DNAH1: variants seen among roughly 807,000 people sequenced by gnomAD.
DNAH1 encodes axonemal beta dynein heavy chain 1.
DNAH1 carries 327 observed loss-of-function variants against 484.3 expected under a neutral mutation model. The observed-to-expected ratio is 0.68, with a 90% CI of 0.62 to 0.74. The LOEUF is 0.74. Ranked by LOEUF, DNAH1 falls within the 30% of genes least tolerant of loss-of-function variation. The pLI, the probability that DNAH1 is intolerant of heterozygous loss-of-function variation, is 0.00. For missense variants in DNAH1, 5,052 were observed against 5,546.8 expected, an observed-to-expected ratio of 0.91 and a Z score of 2.83; for synonymous variants, 2,192 against 2,191.9, an observed-to-expected ratio of 1.00 and a Z score of 0.00.
chr3:52,332,280 A>G lies in DNAH1; in HGVS notation c.1172A>G (p.Tyr391Cys), dbSNP rs181418923. 3.0e-3 allele frequency: 4,877 copies of G among 1,614,064 alleles called. 18 individuals are homozygous for G. The highest frequency in any genetic ancestry group is 3.3e-3 in the Non-Finnish European group (3,880 of 1,179,896). ...AAGAACACGGAAGCACTGCTGCTCT[A>G]CAACTTGTATGTGGACTGCATGCCC... ...LRKNTEALLL[Y>C]NLYVDCMPSD... Residue 391 changes from tyrosine (Y) to cysteine (C), a missense_variant, in exon 8 of 78, where the codon TAC becomes TGC. By Grantham distance (194) the Tyr-to-Cys change is radical. This residue lies in a region of DNAH1 where 1,263 missense variants were observed against 1,218.8 expected (regional missense o/e 1.04). Coordinates refer to ENST00000420323, the MANE Select transcript of DNAH1 (RefSeq NM_015512.5).
At position 52,383,973 on chromosome 3, in the gene DNAH1, C is replaced by T. The variant is rs1402387797; in HGVS notation, c.8264C>T (p.Thr2755Ile). ...GCAGAAGCCCTGAAGTCTGTGGCCA[C>T]CGTGTTCCTCAATGAGATCCCAGAA... ...WPAEALKSVA[T>I]VFLNEIPELE... The change falls in exon 52 of 78, where the codon ACC becomes ATC. Residue 2755 changes from threonine to isoleucine, a missense_variant. By Grantham distance (89) the Thr-to-Ile change is moderately conservative (BLOSUM62 -1). Around this residue, in one of 4 missense-constraint regions of DNAH1, gnomAD observed 2,929 missense variants for 3,409.4 expected, o/e 0.86. Transcript: ENST00000420323. 1 of 1,611,588 alleles carries T rather than the reference C, an allele frequency of 6.2e-7. No individual in the cohort carries two copies. Among genetic ancestry groups the T allele is most frequent in the African/African-American group, 1.3e-5 (1 of 75,002 alleles).
Position 52,359,978 on chromosome 3 carries a change from A to C in DNAH1, c.4470A>C (p.Ser1490=). 6 of 1,613,918 alleles carry C rather than the reference A, an allele frequency of 3.7e-6. No homozygotes were observed. Among genetic ancestry groups the C allele is most frequent in the Non-Finnish European group, 4.2e-6 (5 of 1,179,886 alleles). The part of the protein sequence containing the change: ...KLSRMQRAVL[S]ALIVIEVHAK... ...CCCGCATGCAGCGGGCAGTGCTGTC[A>C]GCGCTAATCGTCATTGAGGTCCATG... Residue 1490 remains serine, a synonymous_variant, in exon 27 of 78, where the codon TCA becomes TCC. Transcript: ENST00000420323.
At chr3:52,367,100 G>A (rs1393381292) in intron 36 of DNAH1, among the ~76,000 whole-genome samples, 3 of 152,180 alleles carry the variant, frequency 2.0e-5, no homozygotes, top group Admixed American at 6.5e-5. Flanking sequence ...GACAATAATG[G>A]CACCATGCTT....
In DNAH1 at chr3:52,375,101, C is replaced by T. The variant is rs138604824; in HGVS notation, c.6986-139C>T. The T allele has an allele frequency of 4.6e-4, 473 of 1,023,408 alleles. No homozygotes were observed. The African/African-American group carries it at 7.2e-3, about 16-fold the overall frequency. 63.4% of individuals were successfully genotyped at this position (1,023,408 alleles called of 1,614,324 possible). A position where few individuals can be genotyped will look rare whatever the true frequency, so the allele number is the denominator to read the frequency against. ...ATTTTTAGGGCAAAGAAAAATTTTC[C>T]TGTGTAATATTGATGTATTTGTCTT... On this transcript the variant is annotated intron_variant, in intron 44 of 77. Coordinates refer to ENST00000420323, the MANE Select transcript of DNAH1 (RefSeq NM_015512.5).
chr3:52,332,021 A>G, intron 7 of DNAH1, 121 bp from the exon 8 acceptor site: 1 of 1,286,114 alleles, frequency 7.8e-7, no homozygotes, highest in Non-Finnish European at 1.1e-6. Flanking sequence ...ACAGGGGGTC[A>G]GAAGAGGGAA....
chr3:52,365,116 G>A (rs1703019985), intron 34 of DNAH1, 97 bp downstream of exon 34: 5 of 1,465,180 alleles, frequency 3.4e-6, no homozygotes, highest in African/African-American at 1.4e-5. Flanking sequence ...AACCCCAGGG[G>A]CCCTCACACC....
intron 1 of DNAH1, among the ~76,000 whole-genome samples, chr3:52,319,734 G>A (rs1382264415): frequency 6.6e-6 from 1 of 152,226 alleles, no homozygotes. Flanking sequence ...CTGTCTGTCT[G>A]TCTAGCTCCT....
At chr3:52,386,017 C>G in intron 54 of DNAH1, 143 bp from the exon 55 acceptor site, 3 of 935,130 alleles carry the variant, frequency 3.2e-6, no homozygotes, top group Non-Finnish European at 4.7e-6. Context: ...GGAAGGGGCT[C>G]CTGGTATTCC....
At chr3:52,356,531 G>A (rs1702616404) in intron 21 of DNAH1, 83 bp from the exon 22 acceptor site, 1 of 1,436,968 alleles carries the variant, frequency 7.0e-7, no homozygotes, top group Non-Finnish European at 9.6e-7. Flanking sequence ...CTGGTGGGGT[G>A]AAATGTCCCA....
intron 37 of DNAH1, among the ~76,000 whole-genome samples, chr3:52,369,513 G>A (rs182698095): frequency 7.0e-4 from 106 of 152,290 alleles, no homozygotes; most frequent in African/African-American, 2.5e-3. Flanking sequence ...GGGGTGGAGG[G>A]CTCTGGAGCA....
At chr3:52,372,642 T>C (rs938580339) in intron 43 of DNAH1, among the ~76,000 whole-genome samples, 1 of 152,208 alleles carries the variant, frequency 6.6e-6, no homozygotes, top group Non-Finnish European at 1.5e-5. Flanking sequence ...CCTGGGTCTG[T>C]CTGTGAGAAG....
At position 52,350,014 on chromosome 3, in the gene DNAH1, G is replaced by T. The variant is rs1303308896; in HGVS notation, c.2552G>T (p.Ser851Ile). Residue 851 changes from serine to isoleucine, a missense_variant, in exon 15 of 78, where the codon AGC becomes ATC. This residue lies in a region of DNAH1 where 1,263 missense variants were observed against 1,218.8 expected (regional missense o/e 1.04). Transcript: ENST00000420323. ...ATCTGCGAGGAGTTCCGCAGCATCA[G>T]CCGCAAGATCTATGAGAAGCCCAAC... is the stretch of plus-strand genomic sequence containing the variant. ...DSICEEFRSI[S>I]RKIYEKPNSI... 1 of 1,612,452 alleles carries T rather than the reference G, an allele frequency of 6.2e-7. No homozygotes were observed. Among genetic ancestry groups the T allele is most frequent in the South Asian group, 1.1e-5 (1 of 90,528 alleles).
At position 52,368,957 on chromosome 3, in the gene DNAH1, C is replaced by G; in HGVS notation, c.5943+39C>G. 6.2e-7 allele frequency: 1 copy of G among 1,601,198 alleles called. No homozygotes were observed. The highest frequency in any genetic ancestry group is 8.5e-7 in the Non-Finnish European group (1 of 1,169,792). On this transcript the variant is annotated intron_variant, in intron 37 of 77. Coordinates refer to ENST00000420323, the MANE Select transcript of DNAH1 (RefSeq NM_015512.5). This position sits in a 1 kb window ranked among gnomAD's most constrained non-coding sequence, Gnocchi z 4.4. The stretch of plus-strand genomic sequence containing the variant: ...TCCACCTGCCCACTCTCCTCCAAGG[C>G]TGGGTGGGCCTGGAGGCTGCATCAT...
intron 21 of DNAH1, 60 bp from the exon 22 acceptor site, chr3:52,356,554 A>T: frequency 6.4e-7 from 1 of 1,573,948 alleles, no homozygotes; most frequent in Non-Finnish European, 8.7e-7. Context: ...CATTGGGACA[A>T]ACCCCAGCTT....
intron 50 of DNAH1, 97 bp from the exon 51 acceptor site, chr3:52,383,289 G>A: frequency 9.0e-7 from 1 of 1,112,264 alleles, no homozygotes; most frequent in South Asian, 1.5e-5. Flanking sequence ...TAGTGGTACA[G>A]TCTGTCAAAT....
In DNAH1 at chr3:52,375,234, C is replaced by T. The variant is rs1578168782; in HGVS notation, c.6986-6C>T. 6.3e-7 allele frequency: 1 copy of T among 1,598,504 alleles called. No individual in the cohort carries two copies. Among genetic ancestry groups the T allele is most frequent in the Non-Finnish European group, 8.5e-7 (1 of 1,172,288 alleles). The stretch of plus-strand genomic sequence containing the variant: ...GGCCCTTCCTGACTTCCTGCCCCTA[C>T]TCCAGGTGCCTTCAAGAACCTAGTG... On this transcript the variant is annotated splice_region_variant and splice_polypyrimidine_tract_variant and intron_variant, in intron 44 of 77. Coordinates refer to ENST00000420323, the MANE Select transcript of DNAH1 (RefSeq NM_015512.5).
At chr3:52,331,047 G>C in intron 6 of DNAH1, 101 bp from the exon 7 acceptor site, 1 of 1,385,004 alleles carries the variant, frequency 7.2e-7, no homozygotes, top group Non-Finnish European at 9.7e-7. Context: ...CGCCAGACTG[G>C]TGATCTCTGA....
intron 54 of DNAH1, 67 bp downstream of exon 54, chr3:52,385,514 G>T: frequency 7.4e-7 from 1 of 1,343,734 alleles, no homozygotes; most frequent in Non-Finnish European, 1.0e-6. Context: ...CCACACAGGC[G>T]CAGGCTCGCT....
chr3:52,359,418 C>G (rs1303347282), intron 26 of DNAH1, 32 bp downstream of exon 26: 8 of 1,558,490 alleles, frequency 5.1e-6, no homozygotes, highest in Non-Finnish European at 6.9e-6. Flanking sequence ...GTCTGTCCCC[C>G]TCCACCCCCT....
Sources: allele counts gnomAD v4.1 joint callset (sites outside exome capture counted in the v4.1 genomes callset), GRCh38; gene constraint gnomAD v4.1.1; regional missense constraint gnomAD v4.1.1; non-coding constraint Gnocchi (gnomAD v3.1); transcripts MANE v1.5; gene names NCBI Gene and HGNC (gene_info 2026-07-23, HGNC 2026-07-21).